The following PCNT variants were observed in gnomAD, a reference collection of about 807,000 sequenced individuals.
PCNT encodes the protein kendrin.
In PCNT, 319 loss-of-function variants were observed where a neutral mutation model predicts 380.4. The ratio of observed to expected loss-of-function variants is 0.84; its 90% confidence interval spans 0.77 to 0.92. The LOEUF (loss-of-function observed/expected upper bound fraction) is 0.92. PCNT is among the 40% of genes least tolerant of loss of function. The pLI is 0.00. For missense variants in PCNT, 4,400 were observed against 4,255.3 expected, an observed-to-expected ratio of 1.03 and a Z score of -0.95; for synonymous variants, 1,845 against 1,735.2, an observed-to-expected ratio of 1.06 and a Z score of -1.57.
chr21:46,423,735 GAGGGGA>G (rs2087357179), intron 32 of PCNT, among the ~76,000 whole-genome samples: 1 of 3,516 alleles, frequency 2.8e-4, no homozygotes, highest in Non-Finnish European at 5.3e-4. Flanking sequence ...AGGGGAGGGG[GAGGGGA>G]AGAGGGGAGG....
chr21:46,373,248 C>T (rs1223368751), intron 15 of PCNT, among the ~76,000 whole-genome samples: 1 of 151,972 alleles, frequency 6.6e-6, no homozygotes, highest in African/African-American at 2.4e-5. Context: ...AATTCCTGGC[C>T]TCAAGCAATC....
At chr21:46,421,092 G>C (rs527453822) in intron 31 of PCNT, 9 of 152,420 alleles carry the variant, frequency 5.9e-5, no homozygotes, top group African/African-American at 1.9e-4. Flanking sequence ...TTCATTTTGT[G>C]AATGACGTGC....
At position 46,334,481 on chromosome 21, in the gene PCNT, G is replaced by A; in HGVS notation, c.352G>A (p.Gly118Arg). The A allele has an allele frequency of 6.2e-7, 1 of 1,613,004 alleles. No homozygotes were observed. The highest frequency in any genetic ancestry group is 8.5e-7 in the Non-Finnish European group (1 of 1,179,134). Residue 118 changes from glycine to arginine, a missense_variant, in exon 3 of 47, where the codon GGG becomes AGG. Coordinates refer to ENST00000359568, the MANE Select transcript of PCNT (RefSeq NM_006031.6). The stretch of plus-strand genomic sequence containing the variant: ...CAATGACCATCCTCCAGAGCAGTGT[G>A]GGATGTTCACAGTCAGTGACCACCC... ...QVNDHPPEQC[G>R]MFTVSDHPPE...
Position 46,397,278 on chromosome 21 carries a change from A to C in PCNT, c.4230A>C (p.Glu1410Asp). ...AEAREAALRK[E>D]VEDLTKEQSE... Reference sequence around the variant, plus strand: ...TTGCATCCTTAGCTCTCCGGAAGGAAGTGGAGGATCTGACCAAAGAACAGT... The same window carrying C: ...TTGCATCCTTAGCTCTCCGGAAGGACGTGGAGGATCTGACCAAAGAACAGT... Residue 1410 changes from glutamate (E) to aspartate (D), a missense_variant, in exon 22 of 47, where the codon GAA (glutamate) becomes GAC (aspartate). Glu to Asp is a conservative substitution (Grantham distance 45). Transcript: ENST00000359568. The C allele has an allele frequency of 6.2e-7, 1 of 1,613,926 alleles. No individual in the cohort carries two copies. The highest frequency in any genetic ancestry group is 1.7e-5 in the Admixed American group (1 of 60,016).
chr21:46,344,323 C>T (rs1421996771), intron 3 of PCNT, among the ~76,000 whole-genome samples: 5 of 152,158 alleles, frequency 3.3e-5, no homozygotes, highest in Admixed American at 2.6e-4. Context: ...ATCCACCTGC[C>T]TCAGCCTCCC....
chr21:46,387,063 T>C (rs1173741232), intron 17 of PCNT, among the ~76,000 whole-genome samples: 2 of 152,176 alleles, frequency 1.3e-5, no homozygotes, highest in African/African-American at 2.4e-5. Context: ...TCGAGGCCTC[T>C]GGGTTGTGCT....
Position 46,363,687 on chromosome 21 carries a change from A to G in PCNT, c.2362A>G (p.Lys788Glu). Residue 788 changes from lysine to glutamate, a missense_variant, in exon 14 of 47, where the codon AAG becomes GAG. Physicochemically the swap from Lys to Glu is moderately conservative, Grantham distance 56 (BLOSUM62 1). Transcript: ENST00000359568. ...ATCCGAGAAACAGACCATCATAAAC[A>G]AGTTTGAGCTTCGAGAAGCTGAAAT... ...AESEKQTIIN[K>E]FELREAEMRQ... The G allele has an allele frequency of 6.2e-7, 1 of 1,614,226 alleles. No individual in the cohort carries two copies. Among genetic ancestry groups the G allele is most frequent in the African/African-American group, 1.3e-5 (1 of 75,072 alleles).
At chr21:46,444,556 CCA>C in intron 45 of PCNT, 136 bp from the exon 46 acceptor site, 1 of 842,644 alleles carries the variant, frequency 1.2e-6, no homozygotes, top group Middle Eastern at 3.3e-4. Context: ...GGAAACGGCC[CCA>C]GAGTCACCCA....
At chr21:46,351,843 A>G (rs1011669364) in intron 9 of PCNT, among the ~76,000 whole-genome samples, 4 of 152,168 alleles carry the variant, frequency 2.6e-5, no homozygotes, top group Admixed American at 6.5e-5. Context: ...AGTGGTGCTG[A>G]GCGTTTGCCT....
At chr21:46,404,365 G>A (rs143814118) in intron 27 of PCNT, among the ~76,000 whole-genome samples, 187 of 145,206 alleles carry the variant, frequency 1.3e-3, no homozygotes, top group Non-Finnish European at 2.0e-3. Flanking sequence ...GGTTCTGTCG[G>A]CTCTGTTTTG....
intron 24 of PCNT, among the ~76,000 whole-genome samples, chr21:46,399,335 G>A (rs2086337010): frequency 6.6e-6 from 1 of 152,038 alleles, no homozygotes; most frequent in South Asian, 2.1e-4. Flanking sequence ...GTCTCCCTGT[G>A]CAGCCTGTGG....
At position 46,366,960 on chromosome 21, in the gene PCNT, G is replaced by A. The variant is rs1238644889; in HGVS notation, c.2986G>A (p.Asp996Asn). 1.9e-6 allele frequency: 3 copies of A among 1,614,234 alleles called. No individual in the cohort carries two copies. The highest frequency in any genetic ancestry group is 4.5e-5 in the East Asian group (2 of 44,886). The change falls in exon 15 of 47, where the codon GAC (aspartate) becomes AAC (asparagine). Residue 996 changes from aspartate to asparagine, a missense_variant. Physicochemically the swap from Asp to Asn is conservative, Grantham distance 23. Coordinates refer to ENST00000359568, the MANE Select transcript of PCNT (RefSeq NM_006031.6). ...HRQALELLRADFEEQLWKKDS... is the reference protein window; with the variant it reads ...HRQALELLRANFEEQLWKKDS... ...GCAGGCCCTAGAGCTCTTACGAGCA[G>A]ACTTTGAGGAACAACTGTGGAAAAA...
Position 46,367,105 on chromosome 21 carries a change from G to T in PCNT, c.3131G>T (p.Gly1044Val). 2 of 1,613,468 alleles carry T rather than the reference G, an allele frequency of 1.2e-6. No individual in the cohort carries two copies. Among genetic ancestry groups the T allele is most frequent in the South Asian group, 1.1e-5 (1 of 91,064 alleles). Residue 1044 changes from glycine to valine, a missense_variant, in exon 15 of 47, where the codon GGA (glycine) becomes GTA (valine). Transcript: ENST00000359568. ...ACCGAAGTGAGCACAGAGCTCGCCGGAACCGTGGCTCACGAGCTGCAGGGA... is the reference window on the plus strand; with the variant it reads ...ACCGAAGTGAGCACAGAGCTCGCCGTAACCGTGGCTCACGAGCTGCAGGGA... ...LRTEVSTELA[G>V]TVAHELQGVH...
At chr21:46,427,054 C>T (rs1289885221) in intron 33 of PCNT, among the ~76,000 whole-genome samples, 1 of 152,210 alleles carries the variant, frequency 6.6e-6, no homozygotes, top group Non-Finnish European at 1.5e-5. Flanking sequence ...CACGCTGCCC[C>T]TGGGGACCAG....
rs369873165 is a variant in PCNT at position 46,402,313 on chromosome 21, C to G, written c.4963-18C>G. 43 of 1,545,218 alleles carry G rather than the reference C, an allele frequency of 2.8e-5. No individual in the cohort carries two copies. The South Asian group carries it at 3.4e-4, about 12-fold the overall frequency. ...TTAGATGACTTTTAATACTTTTCTTCTTTTGTTTTAATGAAAGGTTTTGGA... is the reference window on the plus strand; with the variant it reads ...TTAGATGACTTTTAATACTTTTCTTGTTTTGTTTTAATGAAAGGTTTTGGA... On this transcript the variant is annotated intron_variant, in intron 26 of 46. Coordinates refer to ENST00000359568, the MANE Select transcript of PCNT (RefSeq NM_006031.6).
rs1555966220 is a variant in PCNT, at chr21:46,373,749, T to TGG, written c.3165+6612_3165+6613dup. Among the ~76,000 whole-genome samples, 96 of 81,226 alleles carry TGG rather than the reference T, an allele frequency of 1.2e-3. 1 individual carries two copies. Among genetic ancestry groups the TGG allele is most frequent in the Non-Finnish European group, 1.6e-3 (68 of 43,606 alleles). The allele number at this position is 81,226 out of a possible 152,430, so 53.3% of individuals were successfully genotyped here. A position where few individuals can be genotyped will look rare whatever the true frequency, so the allele number is the denominator to read the frequency against. On this transcript the variant is annotated intron_variant, in intron 15 of 46. Transcript: ENST00000359568. Reference sequence around the variant, plus strand: ...CTTAGCTTTTTTTTTTTTTTTTTTTTGGGCGGAGTCTCGCTCTGTCGCCAG... The same window carrying TGG: ...CTTAGCTTTTTTTTTTTTTTTTTTTTGGGGGCGGAGTCTCGCTCTGTCGCCAG...
rs190930995 is a variant in PCNT, at chr21:46,330,898, G to A, written c.268-3499G>A. ...ATCCTCAAGGAACCTTTATGTTATA[G>A]TTGTACCAGTGCTTTAAACATAATG... On this transcript the variant is annotated intron_variant, in intron 2 of 46. Coordinates refer to ENST00000359568, the MANE Select transcript of PCNT (RefSeq NM_006031.6). Among the ~76,000 whole-genome samples, 7 of 152,312 alleles carry A rather than the reference G, an allele frequency of 4.6e-5. No homozygotes were observed. The East Asian group carries it at 5.8e-4, about 13-fold the overall frequency.
Position 46,346,216 on chromosome 21 carries a change from G to A in PCNT, c.720+8G>A, listed in dbSNP as rs527293142. 1.2e-5 allele frequency: 19 copies of A among 1,613,166 alleles called. No homozygotes were observed. Among genetic ancestry groups the A allele is most frequent in the African/African-American group, 2.7e-5 (2 of 74,976 alleles). Reference sequence around the variant, plus strand: ...GGCCTGCATCAGAGTCAGGTGACCCGGCGGGGCCTGCACAGGCTCACAGCA... The same window carrying A: ...GGCCTGCATCAGAGTCAGGTGACCCAGCGGGGCCTGCACAGGCTCACAGCA... On this transcript the variant is annotated splice_region_variant and intron_variant, in intron 4 of 46. Transcript: ENST00000359568.
intron 20 of PCNT, 76 bp downstream of exon 20, chr21:46,390,908 C>T: frequency 4.0e-6 from 6 of 1,489,478 alleles, no homozygotes; most frequent in South Asian, 2.4e-5. Context: ...GGGAAGGAAG[C>T]CTTCAGAATA....
Sources: allele counts gnomAD v4.1 joint callset (sites outside exome capture counted in the v4.1 genomes callset), GRCh38; gene constraint gnomAD v4.1.1; transcripts MANE v1.5; gene names NCBI Gene and HGNC (gene_info 2026-07-23, HGNC 2026-07-21).